Variants in RASGEF1C observed in about 807,000 individuals in gnomAD.
RASGEF1C encodes the protein RasGEF domain family member 1C, also known as ras-GEF domain-containing family member 1C.
RASGEF1C carries 27 observed loss-of-function variants against 58.1 expected under a neutral mutation model. The observed-to-expected ratio is 0.46, with a 90% confidence interval of 0.34 to 0.64. The LOEUF is 0.64. RASGEF1C is among the 30% of genes least tolerant of loss of function. The pLI, the probability that RASGEF1C is intolerant of heterozygous loss-of-function variation, is 0.01. For missense variants in RASGEF1C, 502 were observed against 605.1 expected, an observed-to-expected ratio of 0.83 and a Z score of 1.79; for synonymous variants, 243 against 246.3, an observed-to-expected ratio of 0.99 and a Z score of 0.13.
intron 1 of RASGEF1C, among the ~76,000 whole-genome samples, chr5:180,204,987 G>A (rs1038620911): frequency 7.9e-5 from 12 of 152,176 alleles, no homozygotes; most frequent in African/African-American, 2.4e-4. Context: ...TCAGGAGTTC[G>A]AGATCAGCCT....
At chr5:180,120,147 C>T (rs547036726) in intron 7 of RASGEF1C, among the ~76,000 whole-genome samples, 1 of 152,334 alleles carries the variant, frequency 6.6e-6, no homozygotes, top group African/African-American at 2.4e-5. Flanking sequence ...AAAGATGCAC[C>T]AAGGGGTCTT....
intron 3 of RASGEF1C, 51 bp from the exon 4 acceptor site, chr5:180,136,566 G>T: frequency 6.5e-7 from 1 of 1,532,794 alleles, no homozygotes; most frequent in South Asian, 1.2e-5. Context: ...GGGTGGGCAC[G>T]TGAGCCTCAC....
intron 1 of RASGEF1C, among the ~76,000 whole-genome samples, chr5:180,163,075 T>C (rs1766967397): frequency 6.6e-6 from 1 of 152,086 alleles, no homozygotes; most frequent in African/African-American, 2.4e-5. Flanking sequence ...ATTGTTGACT[T>C]TGTATCCTGG....
intron 12 of RASGEF1C, among the ~76,000 whole-genome samples, chr5:180,103,344 TGAG>T (rs1765828820): frequency 6.6e-6 from 1 of 152,226 alleles, no homozygotes; most frequent in South Asian, 2.1e-4. Flanking sequence ...CCCAGAGTGC[TGAG>T]ATTACAGGCG....
intron 1 of RASGEF1C, among the ~76,000 whole-genome samples, chr5:180,140,018 G>A (rs1766549647): frequency 6.6e-6 from 1 of 152,206 alleles, no homozygotes; most frequent in South Asian, 2.1e-4. Flanking sequence ...CCATGCAGGG[G>A]CCTTTCTGAA....
chr5:180,183,427 T>TA (rs940951235), intron 1 of RASGEF1C, among the ~76,000 whole-genome samples: 50 of 148,590 alleles, frequency 3.4e-4, no homozygotes, highest in African/African-American at 5.0e-5. Context: ...GGATATAGCT[T>TA]AAAAAATCAA....
At chr5:180,122,525 G>C (rs1473789932) in intron 6 of RASGEF1C, among the ~76,000 whole-genome samples, 2 of 152,132 alleles carry the variant, frequency 1.3e-5, no homozygotes, top group East Asian at 1.9e-4. Flanking sequence ...TGGATCACCT[G>C]AGGTCAGGAG....
At chr5:180,112,126 G>A (rs1765968941) in intron 11 of RASGEF1C, among the ~76,000 whole-genome samples, 1 of 152,172 alleles carries the variant, frequency 6.6e-6, no homozygotes, top group Admixed American at 6.5e-5. Context: ...TCAGCTCTGA[G>A]GATCAATTCA....
chr5:180,185,914 A>G (rs761968056), intron 1 of RASGEF1C, among the ~76,000 whole-genome samples: 7 of 151,992 alleles, frequency 4.6e-5, no homozygotes, highest in Non-Finnish European at 8.8e-5. Context: ...CCTGGGCAAC[A>G]TGGCATGACC....
intron 12 of RASGEF1C, among the ~76,000 whole-genome samples, chr5:180,108,661 T>C (rs949558958): frequency 1.3e-5 from 2 of 152,234 alleles, no homozygotes; most frequent in Non-Finnish European, 2.9e-5. Context: ...AAAACTCCCA[T>C]TGGCTCTTCC....
chr5:180,193,193 C>T (rs1756199379), intron 1 of RASGEF1C, among the ~76,000 whole-genome samples: 1 of 122,748 alleles, frequency 8.1e-6, no homozygotes, highest in African/African-American at 2.7e-5. Flanking sequence ...GTAGCTGGGA[C>T]TACAGGTGCC....
At chr5:180,194,467 A>T (rs1159402098) in intron 1 of RASGEF1C, among the ~76,000 whole-genome samples, 1 of 152,248 alleles carries the variant, frequency 6.6e-6, no homozygotes, top group Non-Finnish European at 1.5e-5. Context: ...GCATCTGCGC[A>T]AACTGCAGAG....
chr5:180,154,737 C>T lies in RASGEF1C; in HGVS notation c.-6-16679G>A, dbSNP rs926824436. 3.9e-5 allele frequency among the ~76,000 whole-genome samples: 6 copies of T among 152,110 alleles called. No homozygotes were observed. In the South Asian group the frequency reaches 6.2e-4, roughly 16 times the overall value. Reference sequence around the variant, plus strand: ...CTGGGACTACAGGCACCCACCATCACGCCTGCCCATTTTTTTTGTATTTTT... The same window carrying T: ...CTGGGACTACAGGCACCCACCATCATGCCTGCCCATTTTTTTTGTATTTTT... On this transcript the variant is annotated intron_variant, in intron 1 of 13. Transcript: ENST00000361132.
chr5:180,182,406 C>G (rs141145194), intron 1 of RASGEF1C, among the ~76,000 whole-genome samples: 1 of 151,924 alleles, frequency 6.6e-6, no homozygotes, highest in Admixed American at 6.6e-5. Context: ...AGTGAGCAGC[C>G]GCAAGATTTA....
Position 180,155,709 on chromosome 5 carries a change from C to T in RASGEF1C, c.-6-17651G>A, listed in dbSNP as rs1025408563. ...TCCCGCTCCGTCTTCCATCCTGTCCCTTACTCTTGGCCCACGTTCTCAATT... is the reference window on the plus strand; with the variant it reads ...TCCCGCTCCGTCTTCCATCCTGTCCTTTACTCTTGGCCCACGTTCTCAATT... On this transcript the variant is annotated intron_variant, in intron 1 of 13. Coordinates refer to ENST00000361132, the MANE Select transcript of RASGEF1C (RefSeq NM_175062.4). This position sits in a 1 kb window ranked among gnomAD's most constrained non-coding sequence, Gnocchi z 5.2. 1.3e-5 allele frequency among the ~76,000 whole-genome samples: 2 copies of T among 152,090 alleles called. No individual in the cohort carries two copies. The highest frequency in any genetic ancestry group is 4.8e-5 in the African/African-American group (2 of 41,426).
chr5:180,203,860 G>A (rs1351126480), intron 1 of RASGEF1C, among the ~76,000 whole-genome samples: 5 of 152,144 alleles, frequency 3.3e-5, no homozygotes, highest in Non-Finnish European at 7.3e-5. Flanking sequence ...GGGCATGGTG[G>A]TGCACGCCTG....
chr5:180,105,561 C>CA (rs139192683), intron 12 of RASGEF1C, among the ~76,000 whole-genome samples: 2,373 of 117,866 alleles, frequency 0.02, 29 homozygotes, highest in Admixed American at 0.039. Flanking sequence ...GACTCTGTCT[C>CA]AAAAAAAAAA....
At chr5:180,141,466 G>C (rs1417743953) in intron 1 of RASGEF1C, among the ~76,000 whole-genome samples, 1 of 152,206 alleles carries the variant, frequency 6.6e-6, no homozygotes, top group Non-Finnish European at 1.5e-5. Flanking sequence ...TGACACAGAA[G>C]CACAAACACT....
Position 180,128,549 on chromosome 5 carries a change from C to A in RASGEF1C, c.500G>T (p.Arg167Leu). ...ACCCACCAGACCTTCTGGCCCCTGG[C>A]GCAGAGCCGCCAGCTTCTGGTGCAG... ...QALHQKLAALRQGPEGLVGAD... is the reference protein window; with the variant it reads ...QALHQKLAALLQGPEGLVGAD... Residue 167 changes from arginine (R) to leucine (L), a missense_variant, in exon 5 of 14, where the codon CGC (arginine) becomes CTC (leucine). Transcript: ENST00000361132. 6.2e-7 allele frequency: 1 copy of A among 1,614,058 alleles called. No individual in the cohort carries two copies. The highest frequency in any genetic ancestry group is 8.5e-7 in the Non-Finnish European group (1 of 1,180,018).
Sources: allele counts gnomAD v4.1 joint callset (sites outside exome capture counted in the v4.1 genomes callset), GRCh38; gene constraint gnomAD v4.1.1; non-coding constraint Gnocchi (gnomAD v3.1); transcripts MANE v1.5; gene names NCBI Gene and HGNC (gene_info 2026-07-23, HGNC 2026-07-21).